Variants in PXDNL observed in about 807,000 individuals in gnomAD.
PXDNL encodes the protein peroxidasin like, also known as probable oxidoreductase PXDNL.
In PXDNL, 145 loss-of-function variants were observed where a neutral mutation model predicts 150.8. The ratio of observed to expected loss-of-function variants is 0.96; its 90% CI spans 0.84 to 1.10. The LOEUF (loss-of-function observed/expected upper bound fraction) is 1.10, where lower values mean the gene tolerates loss of function less well. Ranked by LOEUF, PXDNL falls within the 50% of genes least tolerant of loss-of-function variation. The probability of loss-of-function intolerance (pLI) is 0.00; values close to 1 mark genes in which losing one functional copy is unlikely to be tolerated. For missense variants in PXDNL, 2,087 were observed against 1,873.9 expected (o/e 1.11, Z -2.10); for synonymous variants, 757 against 725.7 (o/e 1.04, Z -0.69).
At chr8:51,353,514 T>G (rs1806415358) in intron 19 of PXDNL, among the ~76,000 whole-genome samples, 2 of 152,132 alleles carry the variant, frequency 1.3e-5, no homozygotes, top group African/African-American at 4.8e-5. Flanking sequence ...GTCTAATGAC[T>G]AAAAAATTCT....
At chr8:51,687,414 T>G (rs1169522493) in intron 1 of PXDNL, among the ~76,000 whole-genome samples, 1 of 152,270 alleles carries the variant, frequency 6.6e-6, no homozygotes, top group Non-Finnish European at 1.5e-5. Context: ...TTATCTCAAC[T>G]GTATTATATA....
At chr8:51,611,913 G>T (rs1183382941) in intron 2 of PXDNL, among the ~76,000 whole-genome samples, 1 of 152,244 alleles carries the variant, frequency 6.6e-6, no homozygotes, top group African/African-American at 2.4e-5. Context: ...AAGGCCCGGG[G>T]CACCAGCGAT....
intron 1 of PXDNL, among the ~76,000 whole-genome samples, chr8:51,770,802 G>C (rs973460710): frequency 1.3e-5 from 2 of 152,182 alleles, no homozygotes; most frequent in African/African-American, 4.8e-5. Context: ...GGGGCAGTGA[G>C]CCGTGTGGTG....
chr8:51,494,061 A>G (rs2130248843), intron 5 of PXDNL, among the ~76,000 whole-genome samples: 1 of 152,362 alleles, frequency 6.6e-6, no homozygotes, highest in Non-Finnish European at 1.5e-5. Flanking sequence ...AGGGAAGCCC[A>G]TCAGACTAAC....
chr8:51,381,905 G>A (rs1807561220), intron 17 of PXDNL, among the ~76,000 whole-genome samples: 1 of 151,834 alleles, frequency 6.6e-6, no homozygotes, highest in South Asian at 2.1e-4. Context: ...CTAAATTATG[G>A]CTACTGCTGA....
chr8:51,744,446 T>C (rs1187303658), intron 1 of PXDNL, among the ~76,000 whole-genome samples: 1 of 147,568 alleles, frequency 6.8e-6, no homozygotes, highest in East Asian at 2.0e-4. Flanking sequence ...GGTGGATAGA[T>C]CACGAGGTCA....
At chr8:51,790,888 T>G (rs1410320528) in intron 1 of PXDNL, among the ~76,000 whole-genome samples, 1 of 101,572 alleles carries the variant, frequency 9.8e-6, no homozygotes, top group East Asian at 2.8e-4. Flanking sequence ...TTTTGTAATC[T>G]TTGTAAATAC....
At chr8:51,554,748 C>A (rs1812566375) in intron 4 of PXDNL, among the ~76,000 whole-genome samples, 1 of 152,166 alleles carries the variant, frequency 6.6e-6, no homozygotes, top group African/African-American at 2.4e-5. Context: ...TTACCTTGTT[C>A]CTCATTTCTG....
chr8:51,551,602 G>C (rs922804260), intron 4 of PXDNL, among the ~76,000 whole-genome samples: 3 of 152,170 alleles, frequency 2.0e-5, no homozygotes, highest in African/African-American at 7.2e-5. Flanking sequence ...AACAAATGGT[G>C]TTGGGATAAT....
At chr8:51,579,801 A>G (rs1813164390) in intron 3 of PXDNL, among the ~76,000 whole-genome samples, 2 of 152,052 alleles carry the variant, frequency 1.3e-5, no homozygotes, top group African/African-American at 4.8e-5. Flanking sequence ...AAAAAGTAAT[A>G]AACTATTGAT....
rs145591556 is a variant in PXDNL, at chr8:51,624,199, G to A, written c.236+30490C>T. On this transcript the variant is annotated intron_variant, in intron 2 of 22. Coordinates refer to ENST00000356297, the MANE Select transcript of PXDNL (RefSeq NM_144651.5). ...CCGGAGCATAAAGTCAGCCAGAAGT[G>A]ACTCTGAAGATCCACCTGACCCCAG... 6.8e-4 allele frequency among the ~76,000 whole-genome samples: 103 copies of A among 151,426 alleles called. 1 individual carries two copies. In the East Asian group the frequency reaches 0.016, roughly 23 times the overall value.
At chr8:51,682,121 G>A (rs1815763023) in intron 1 of PXDNL, among the ~76,000 whole-genome samples, 1 of 151,966 alleles carries the variant, frequency 6.6e-6, no homozygotes, top group Non-Finnish European at 1.5e-5. Context: ...AAATGCTATG[G>A]TTTAAAAAAA....
At chr8:51,631,350 A>G (rs1401251505) in intron 2 of PXDNL, among the ~76,000 whole-genome samples, 1 of 152,136 alleles carries the variant, frequency 6.6e-6, no homozygotes, top group Non-Finnish European at 1.5e-5. Flanking sequence ...TTAGCTGGGT[A>G]ATGAAATAAT....
intron 17 of PXDNL, among the ~76,000 whole-genome samples, chr8:51,401,967 T>C (rs1808260561): frequency 6.6e-6 from 1 of 151,976 alleles, no homozygotes. Context: ...AGCAGAGGAA[T>C]GACAGCTGAA....
intron 4 of PXDNL, among the ~76,000 whole-genome samples, chr8:51,536,735 A>C (rs1393394271): frequency 6.6e-6 from 1 of 152,202 alleles, no homozygotes; most frequent in African/African-American, 2.4e-5. Context: ...GGCAAACATG[A>C]ATATTTGCTG....
chr8:51,452,935 A>ACACACACACACACACACACACAC (rs1809839333), intron 10 of PXDNL, among the ~76,000 whole-genome samples: 2 of 142,566 alleles, frequency 1.4e-5, no homozygotes, highest in African/African-American at 2.7e-5. Flanking sequence ...CACACACACA[A>ACACACACACACACACACACACAC]ACACACACAC....
intron 12 of PXDNL, among the ~76,000 whole-genome samples, chr8:51,433,163 C>T (rs771920501): frequency 4.6e-5 from 7 of 150,922 alleles, no homozygotes; most frequent in Admixed American, 4.0e-4. Flanking sequence ...GAGCGGAGGT[C>T]GCACCACAGC....
chr8:51,711,675 T>C (rs568098338), intron 1 of PXDNL, among the ~76,000 whole-genome samples: 1 of 152,368 alleles, frequency 6.6e-6, no homozygotes, highest in Non-Finnish European at 1.5e-5. Flanking sequence ...TAAGTGACTT[T>C]GTTTTGTTAA....
intron 21 of PXDNL, among the ~76,000 whole-genome samples, chr8:51,322,856 G>A (rs1295117437): frequency 6.6e-6 from 1 of 152,234 alleles, no homozygotes; most frequent in African/African-American, 2.4e-5. Flanking sequence ...CACTTGGGCA[G>A]TGGCATCCAC....
Sources: allele counts gnomAD v4.1 joint callset (sites outside exome capture counted in the v4.1 genomes callset), GRCh38; gene constraint gnomAD v4.1.1; transcripts MANE v1.5; gene names NCBI Gene and HGNC (gene_info 2026-07-23, HGNC 2026-07-21).